The following NOBOX variants were observed in gnomAD, a reference collection of about 807,000 sequenced individuals.
The protein encoded by NOBOX is NOBOX oogenesis homeobox, also known as homeobox protein NOBOX.
NOBOX carries 46 observed loss-of-function variants against 60.2 expected under a neutral mutation model. That is an observed-to-expected ratio of 0.76 (90% confidence interval 0.60 to 0.98). NOBOX has a LOEUF of 0.98. Ranked by LOEUF, NOBOX falls within the 50% of genes least tolerant of loss-of-function variation. The pLI is 0.00. For synonymous variants in NOBOX, 360 were observed against 346.3 expected (o/e 1.04, Z -0.44); for missense variants, 880 against 865.5 (o/e 1.02, Z -0.21).
intron 1 of NOBOX, among the ~76,000 whole-genome samples, chr7:144,406,434 T>C (rs758577777): frequency 1.3e-5 from 2 of 152,110 alleles, no homozygotes; most frequent in Non-Finnish European, 2.9e-5. Flanking sequence ...GGCACACGCC[T>C]GTAATCCCAG....
chr7:144,400,738 A>G (rs569936908), intron 4 of NOBOX, among the ~76,000 whole-genome samples: 4 of 152,164 alleles, frequency 2.6e-5, no homozygotes, highest in African/African-American at 7.2e-5. Flanking sequence ...GGGTTTCACC[A>G]TGATGGCCAG....
chr7:144,405,484 G>A (rs1365119773), intron 1 of NOBOX, among the ~76,000 whole-genome samples: 1 of 152,186 alleles, frequency 6.6e-6, no homozygotes, highest in Non-Finnish European at 1.5e-5. Context: ...GAGTACGGAG[G>A]AGCAGGAACC....
intron 4 of NOBOX, among the ~76,000 whole-genome samples, 156 bp from the exon 3 acceptor site, chr7:144,400,468 C>T (rs961303894): frequency 3.3e-5 from 5 of 152,384 alleles, no homozygotes; most frequent in South Asian, 2.1e-4. Context: ...TGGGCCTTCT[C>T]GCTCTTGGGT....
intron 4 of NOBOX, 79 bp downstream of exon 2, chr7:144,400,967 G>C: frequency 8.1e-7 from 1 of 1,237,368 alleles, no homozygotes; most frequent in African/African-American, 1.5e-5. Context: ...AGGTCTCCTG[G>C]GGGTAGATTC....
chr7:144,398,879 T>C (rs2053914502), intron 8 of NOBOX, 71 bp downstream of exon 6: 2 of 809,794 alleles, frequency 2.5e-6, no homozygotes, highest in South Asian at 1.7e-5. Flanking sequence ...TCTGTGTCTA[T>C]CTTCTCTCCA....
At chr7:144,403,519 A>ACCCCC in intron 2 of NOBOX, 138 bp downstream of exon 1, 4 of 219,860 alleles carry the variant, frequency 1.8e-5, no homozygotes, top group South Asian at 3.9e-5. Context: ...CTCCCACCCT[A>ACCCCC]CCCCACCCGA....
rs1283235905 is a variant in NOBOX at position 144,403,703 on chromosome 7, TC to T, written c.210+852del. ...TCTCTGTGGGTTCCATGGCCTGGAC[TC>T]CCGCCGCCGCGGCCGGCCCGTGATG... On this transcript the variant is annotated intron_variant, in intron 2 of 9. Coordinates refer to ENST00000467773, the MANE Select transcript of NOBOX (RefSeq NM_001080413.3). 11 of 697,402 alleles carry T rather than the reference TC, an allele frequency of 1.6e-5. No homozygotes were observed. The East Asian group carries it at 3.0e-4, about 19-fold the overall frequency. The allele number at this position is 697,402 out of a possible 1,614,324, so 43.2% of individuals were successfully genotyped here.
Position 144,398,552 on chromosome 7 carries a change from C to A in NOBOX, c.1504G>T (p.Glu502Ter). The change falls in exon 9 of 10, where the codon GAG becomes TAG. Residue 502 changes from glutamate to a stop codon, truncating the protein, a stop_gained. Coordinates refer to ENST00000467773, the MANE Select transcript of NOBOX (RefSeq NM_001080413.3). LOFTEE classifies it high-confidence loss of function. The stretch of plus-strand genomic sequence containing the variant: ...TGTTGGTAATCCTGGGGCTCCAGCT[C>A]CTCCAAATATGAACAGGGGGGTGGC... The A allele has an allele frequency of 6.5e-7, 1 of 1,536,080 alleles. No homozygotes were observed.
In NOBOX at chr7:144,410,008, G is replaced by A. The variant is rs575050557; in HGVS notation, c.85+135C>T. ...TGGTGGCTTGATAGATTTTTCCAAT[G>A]TTTGAGTCTAGGGTCACTGGCTCCC... On this transcript the variant is annotated intron_variant, in intron 1 of 9. Coordinates refer to ENST00000467773, the MANE Select transcript of NOBOX (RefSeq NM_001080413.3). 2.0e-5 allele frequency: 11 copies of A among 558,386 alleles called. No individual in the cohort carries two copies. The African/African-American group carries it at 2.1e-4, about 11-fold the overall frequency. 34.6% of individuals were successfully genotyped at this position (558,386 alleles called of 1,614,324 possible).
chr7:144,409,178 G>A (rs990134191), intron 1 of NOBOX, among the ~76,000 whole-genome samples: 2 of 152,124 alleles, frequency 1.3e-5, no homozygotes, highest in African/African-American at 2.4e-5. Flanking sequence ...TGGTATAGTA[G>A]CATTATTAAC....
intron 6 of NOBOX, 111 bp downstream of exon 4, chr7:144,399,646 C>T (rs2053921914): frequency 3.4e-6 from 4 of 1,162,404 alleles, no homozygotes; most frequent in East Asian, 2.6e-5. Context: ...TAGCTGGCAA[C>T]CCTAGGACTC....
At chr7:144,400,726 C>T (rs1411245240) in intron 4 of NOBOX, among the ~76,000 whole-genome samples, 3 of 152,056 alleles carry the variant, frequency 2.0e-5, no homozygotes, top group East Asian at 1.9e-4. Flanking sequence ...TCAGTAGAGG[C>T]GGGGTTTCAC....
chr7:144,407,070 A>G (rs993568662), intron 1 of NOBOX, among the ~76,000 whole-genome samples: 5 of 151,892 alleles, frequency 3.3e-5, no homozygotes, highest in African/African-American at 1.2e-4. Context: ...TGCACTTAGA[A>G]AGAGTCATTT....
chr7:144,399,603 C>T (rs767252917), intron 6 of NOBOX, 121 bp from the exon 5 acceptor site: 219 of 1,142,000 alleles, frequency 1.9e-4, no homozygotes, highest in African/African-American at 1.8e-3. Context: ...GGCAACTTCC[C>T]GATCCCATGG....
chr7:144,397,952 C>T (rs1455697261), intron 9 of NOBOX, among the ~76,000 whole-genome samples: 1 of 152,198 alleles, frequency 6.6e-6, no homozygotes, highest in Non-Finnish European at 1.5e-5. Flanking sequence ...CCTATTGTAT[C>T]TAATCCTCAC....
Position 144,401,336 on chromosome 7 carries a change from C to T in NOBOX, c.554G>A (p.Cys185Tyr), listed in dbSNP as rs750693111. The change falls in exon 4 of 10, where the codon TGT becomes TAT. Residue 185 changes from cysteine to tyrosine, a missense_variant. Cys to Tyr is a radical substitution (Grantham distance 194). Coordinates refer to ENST00000467773, the MANE Select transcript of NOBOX (RefSeq NM_001080413.3). The surrounding 1 kb of genome is among the most constrained non-coding windows in gnomAD (Gnocchi z 4.2). ...CTTCACCTCTCCCACTGGGAGGGAA[C>T]AATCTTCCCCCTGAGTCTGGGGCCT... 9 of 1,613,722 alleles carry T rather than the reference C, an allele frequency of 5.6e-6. No homozygotes were observed. Among genetic ancestry groups the T allele is most frequent in the South Asian group, 5.5e-5 (5 of 91,022 alleles).
At position 144,399,643 on chromosome 7, in the gene NOBOX, C is replaced by T. The variant is rs1036527520; in HGVS notation, c.1154+114G>A. 4 of 1,155,766 alleles carry T rather than the reference C, an allele frequency of 3.5e-6. No individual in the cohort carries two copies. In the African/African-American group the frequency reaches 4.6e-5, roughly 13 times the overall value. 71.6% of individuals were successfully genotyped at this position (1,155,766 alleles called of 1,614,324 possible). On this transcript the variant is annotated intron_variant, in intron 6 of 9. Coordinates refer to ENST00000467773, the MANE Select transcript of NOBOX (RefSeq NM_001080413.3). ...CAAAATCCCTCTAAATCTTAGCTGG[C>T]AACCCTAGGACTCATGCCTAGCCTT...
chr7:144,397,138 C>T, downstream of NOBOX: 1 of 1,006,566 alleles, frequency 9.9e-7, no homozygotes, highest in Non-Finnish European at 1.4e-6. Context: ...TCCCCTCAGT[C>T]TACAGAGTCC....
chr7:144,399,798 C>G lies in NOBOX; in HGVS notation c.1113G>C (p.Lys371Asn), dbSNP rs1358492700. Residue 371 changes from lysine to asparagine, a missense_variant, in exon 6 of 10, where the codon AAG (lysine) becomes AAC (asparagine). Transcript: ENST00000467773. Reference sequence around the variant, plus strand: ...CAGGGCCAGGGGCTGCAGGATTGTCCTTGCTTTCTTTCCCATTCAGTTTCT... The same window carrying G: ...CAGGGCCAGGGGCTGCAGGATTGTCGTTGCTTTCTTTCCCATTCAGTTTCT... 5.6e-6 allele frequency: 9 copies of G among 1,613,066 alleles called. No homozygotes were observed. The highest frequency in any genetic ancestry group is 6.8e-6 in the Non-Finnish European group (8 of 1,179,318).
Sources: gnomAD v4.1 joint callset for allele counts (sites outside exome capture counted in the v4.1 genomes callset) on GRCh38, gnomAD v4.1.1 for gene constraint, Gnocchi (gnomAD v3.1) non-coding constraint, MANE v1.5 for transcripts, NCBI Gene and HGNC (gene_info 2026-07-23, HGNC 2026-07-21) for gene names.